Variants in CEP170 observed in about 807,000 individuals in gnomAD.
CEP170 encodes centrosomal protein 170, also known as centrosomal protein of 170 kDa.
In CEP170, 21 loss-of-function variants were observed where a neutral mutation model predicts 151.9. The ratio of observed to expected loss-of-function variants is 0.14; its 90% CI spans 0.10 to 0.20. The LOEUF (loss-of-function observed/expected upper bound fraction) is 0.20, where lower values mean the gene tolerates loss of function less well. Among genes scored for constraint, CEP170 ranks in the 10% least tolerant of loss-of-function variants. The pLI, the probability that CEP170 is intolerant of heterozygous loss-of-function variation, is 1.00. For synonymous variants in CEP170, 356 were observed against 648.8 expected (o/e 0.55, Z 6.86); for missense variants, 964 against 1,892.9 (o/e 0.51, Z 9.11).
intron 3 of CEP170, among the ~76,000 whole-genome samples, chr1:243,220,149 AAAG>A (rs1275238859): frequency 6.6e-6 from 1 of 152,232 alleles, no homozygotes; most frequent in Non-Finnish European, 1.5e-5. Context: ...ATCTCTTCAA[AAAG>A]AAGTAGAATT....
chr1:243,255,281 G>A lies in CEP170; in HGVS notation c.-283C>T, dbSNP rs2066533387. The A allele has an allele frequency of 6.5e-6, 1 of 152,854 alleles. No homozygotes were observed. Among genetic ancestry groups the A allele is most frequent in the African/African-American group, 2.4e-5 (1 of 41,456 alleles). 9.5% of individuals were successfully genotyped at this position (152,854 alleles called of 1,614,324 possible). A position where few individuals can be genotyped will look rare whatever the true frequency, so the allele number is the denominator to read the frequency against. On this transcript the variant is annotated 5_prime_UTR_variant, in exon 1 of 20. Coordinates refer to ENST00000366542, the MANE Select transcript of CEP170 (RefSeq NM_014812.3). ...CCTAGTGCGCAGGCGCCTCGGGAAA[G>A]GGCGAGGAGCCGGACCCTATCCCCT...
At chr1:243,204,235 TTTGCTTACA>T (rs2061259662) in intron 4 of CEP170, among the ~76,000 whole-genome samples, 1 of 152,178 alleles carries the variant, frequency 6.6e-6, no homozygotes, top group Non-Finnish European at 1.5e-5. Flanking sequence ...GTTCTTAATT[TTTGCTTACA>T]TTTAACTTCC....
chr1:243,140,230 C>T (rs1226793924), intron 15 of CEP170, 123 bp from the exon 16 acceptor site: 9 of 1,371,820 alleles, frequency 6.6e-6, no homozygotes, highest in Non-Finnish European at 8.7e-6. Context: ...AGAGGCACAA[C>T]ATCTTCAATA....
rs144875921 is a variant in CEP170, at chr1:243,215,863, C to T, written c.196-3899G>A. Reference sequence around the variant, plus strand: ...TGCGGGGCATCACGGAACCTGCTGACGTGATGTCTCCCCTGGATACCCAGC... The same window carrying T: ...TGCGGGGCATCACGGAACCTGCTGATGTGATGTCTCCCCTGGATACCCAGC... On this transcript the variant is annotated intron_variant, in intron 3 of 19. Coordinates refer to ENST00000366542, the MANE Select transcript of CEP170 (RefSeq NM_014812.3). Among the ~76,000 whole-genome samples, 210 of 152,194 alleles carry T rather than the reference C, an allele frequency of 1.4e-3. 1 individual carries two copies. Among genetic ancestry groups the T allele is most frequent in the Middle Eastern group, 0.01 (3 of 294 alleles).
chr1:243,249,623 C>T (rs561333440), intron 1 of CEP170, among the ~76,000 whole-genome samples: 1 of 152,086 alleles, frequency 6.6e-6, no homozygotes, highest in Non-Finnish European at 1.5e-5. Flanking sequence ...AAATGTAAAA[C>T]AGCAGTCCTC....
At chr1:243,195,877 A>C (rs900638549) in intron 7 of CEP170, among the ~76,000 whole-genome samples, 1 of 151,922 alleles carries the variant, frequency 6.6e-6, no homozygotes, top group African/African-American at 2.4e-5. Flanking sequence ...TCATACTAAC[A>C]TAAGAAAGCA....
intron 3 of CEP170, among the ~76,000 whole-genome samples, chr1:243,213,683 T>C (rs1359346434): frequency 6.6e-6 from 1 of 152,130 alleles, no homozygotes; most frequent in East Asian, 1.9e-4. Flanking sequence ...TCAAAAAGAA[T>C]CTGAATGATT....
chr1:243,237,818 T>C (rs1430068850), intron 1 of CEP170, among the ~76,000 whole-genome samples: 1 of 151,902 alleles, frequency 6.6e-6, no homozygotes, highest in East Asian at 1.9e-4. Flanking sequence ...GGCAGGAGAA[T>C]TGCTTGAGCC....
chr1:243,137,943 G>A (rs994307308), intron 16 of CEP170, among the ~76,000 whole-genome samples: 24 of 152,156 alleles, frequency 1.6e-4, no homozygotes, highest in African/African-American at 5.1e-4. Context: ...ACATTGTCAA[G>A]GAAAGGATAA....
In CEP170 at chr1:243,225,254, C is replaced by CA; in HGVS notation, c.26dup (p.Ser10GlufsTer20). 6.3e-7 allele frequency: 1 copy of CA among 1,593,444 alleles called. No individual in the cohort carries two copies. On this transcript the variant is annotated frameshift_variant, in exon 2 of 20. Transcript: ENST00000366542. LOFTEE classifies it high-confidence loss of function. ...GCCTGTGGCGAGTGCCTCCACTGCT[C>CA]ACCAAAAACCAGGATGTTAAGCTCA...
At chr1:243,233,475 T>C (rs2063946907) in intron 1 of CEP170, among the ~76,000 whole-genome samples, 2 of 152,080 alleles carry the variant, frequency 1.3e-5, no homozygotes, top group African/African-American at 4.8e-5. Flanking sequence ...GGCTCACGCC[T>C]GTAATCCCAG....
chr1:243,244,377 A>ACC (rs1471360832), intron 1 of CEP170, among the ~76,000 whole-genome samples: 1 of 151,882 alleles, frequency 6.6e-6, no homozygotes, highest in African/African-American at 2.4e-5. Context: ...ACACACACAC[A>ACC]CACCCTCAAA....
intron 2 of CEP170, among the ~76,000 whole-genome samples, chr1:243,224,843 A>G (rs910316975): frequency 1.3e-5 from 2 of 152,238 alleles, no homozygotes; most frequent in Non-Finnish European, 2.9e-5. Flanking sequence ...ACTAACTTCC[A>G]TTATCACTGA....
intron 14 of CEP170, among the ~76,000 whole-genome samples, chr1:243,151,824 G>A (rs2057108370): frequency 6.6e-6 from 1 of 152,220 alleles, no homozygotes; most frequent in Non-Finnish European, 1.5e-5. Flanking sequence ...CAGAGCCAGA[G>A]AGAAGGCAAT....
chr1:243,225,154 T>C lies in CEP170; in HGVS notation c.105+22A>G, dbSNP rs777209672. ...ATTTCAAGTTTTGAATAAACACATA[T>C]AGAGAAGCTTGACACAATTACCTGC... On this transcript the variant is annotated intron_variant, in intron 2 of 19. Coordinates refer to ENST00000366542, the MANE Select transcript of CEP170 (RefSeq NM_014812.3). 1.0e-5 allele frequency: 15 copies of C among 1,475,354 alleles called. No homozygotes were observed. In the Admixed American group the frequency reaches 1.0e-4, roughly 10 times the overall value. 91.4% of individuals were successfully genotyped at this position (1,475,354 alleles called of 1,614,324 possible). A position where few individuals can be genotyped will look rare whatever the true frequency, so the allele number is the denominator to read the frequency against.
At chr1:243,147,085 A>G (rs908415929) in intron 14 of CEP170, among the ~76,000 whole-genome samples, 2 of 152,222 alleles carry the variant, frequency 1.3e-5, no homozygotes, top group African/African-American at 4.8e-5. Context: ...CTATCTCCAA[A>G]TAAAAGACAG....
intron 4 of CEP170, among the ~76,000 whole-genome samples, chr1:243,205,664 C>T (rs1432001460): frequency 6.6e-6 from 1 of 152,182 alleles, no homozygotes; most frequent in Non-Finnish European, 1.5e-5. Flanking sequence ...TTCCAAGTAA[C>T]TTGTATTCCA....
intron 12 of CEP170, among the ~76,000 whole-genome samples, chr1:243,169,035 T>C (rs1165535636): frequency 6.6e-6 from 1 of 151,128 alleles, no homozygotes; most frequent in Non-Finnish European, 1.5e-5. Context: ...TTCTATGTAA[T>C]ATATACACAC....
At chr1:243,134,609 G>A (rs2054812066) in intron 17 of CEP170, among the ~76,000 whole-genome samples, 1 of 151,436 alleles carries the variant, frequency 6.6e-6, no homozygotes, top group Admixed American at 6.6e-5. Context: ...GTGATCCTCC[G>A]ATTTCAGCCT....
Sources: allele counts gnomAD v4.1 joint callset (sites outside exome capture counted in the v4.1 genomes callset), GRCh38; gene constraint gnomAD v4.1.1; transcripts MANE v1.5; gene names NCBI Gene and HGNC (gene_info 2026-07-23, HGNC 2026-07-21).